Variants in CSPP1 observed in about 807,000 individuals in gnomAD.
The protein encoded by CSPP1 is centrosome and spindle pole associated protein 1.
Under a neutral mutation model 164.4 loss-of-function variants are expected in CSPP1, and 126 were observed. That is an observed-to-expected ratio of 0.77 (90% CI 0.66 to 0.89). CSPP1 has a LOEUF of 0.89. Among genes scored for constraint, CSPP1 ranks in the 40% least tolerant of loss-of-function variants. CSPP1 has a pLI of 0.00. For missense variants in CSPP1, 1,395 were observed against 1,449.8 expected (o/e 0.96, Z 0.61); for synonymous variants, 472 against 476.7 (o/e 0.99, Z 0.13).
rs59504632 is a variant in CSPP1 at position 67,186,970 on chromosome 8, CATCTATCTATCT to C, written c.3221-3646_3221-3635del. The stretch of plus-strand genomic sequence containing the variant: ...AATACTGAGGTATAAATCTATCTAT[CATCTATCTATCT>C]ATCTATCTATCTATCTATCTATCTA... On this transcript the variant is annotated intron_variant, in intron 28 of 30. Coordinates refer to ENST00000678616, the MANE Select transcript of CSPP1 (RefSeq NM_001382391.1). Among the ~76,000 whole-genome samples, 792 of 149,868 alleles carry C rather than the reference CATCTATCTATCT, an allele frequency of 5.3e-3. 5 individuals are homozygous for C. Among genetic ancestry groups the C allele is most frequent in the African/African-American group, 0.015 (610 of 40,674 alleles).
chr8:67,184,766 A>T (rs1834008392), intron 28 of CSPP1, among the ~76,000 whole-genome samples: 1 of 147,958 alleles, frequency 6.8e-6, no homozygotes, highest in Non-Finnish European at 1.5e-5. Flanking sequence ...AATAATAATA[A>T]TAAAGGTTGG....
At chr8:67,147,854 C>G (rs929017638) in intron 17 of CSPP1, among the ~76,000 whole-genome samples, 1 of 152,084 alleles carries the variant, frequency 6.6e-6, no homozygotes, top group African/African-American at 2.4e-5. Flanking sequence ...CTCTTTTACT[C>G]CTGTGTTACT....
intron 29 of CSPP1, among the ~76,000 whole-genome samples, chr8:67,192,074 T>G (rs748905518): frequency 8.3e-5 from 12 of 143,984 alleles, no homozygotes; most frequent in Non-Finnish European, 1.4e-4. Flanking sequence ...TTGTTTTTTT[T>G]TTTGTTTTTT....
At chr8:67,074,033 C>G (rs1807377140) in intron 1 of CSPP1, among the ~76,000 whole-genome samples, 1 of 151,870 alleles carries the variant, frequency 6.6e-6, no homozygotes, top group African/African-American at 2.4e-5. Flanking sequence ...TTTTCATTTT[C>G]TTTTTATTTC....
At chr8:67,112,193 C>A in intron 10 of CSPP1, 128 bp downstream of exon 10, 1 of 474,952 alleles carries the variant, frequency 2.1e-6, no homozygotes, top group East Asian at 3.6e-5. Flanking sequence ...ATATTTTCAT[C>A]TCTACATGCT....
intron 4 of CSPP1, among the ~76,000 whole-genome samples, chr8:67,090,671 C>T (rs1395502767): frequency 6.6e-6 from 1 of 152,136 alleles, no homozygotes; most frequent in Non-Finnish European, 1.5e-5. Flanking sequence ...GTAGTTAATA[C>T]GTTGTTTTGC....
chr8:67,106,010 T>C (rs1357341915), intron 9 of CSPP1, 35 bp downstream of exon 9: 2 of 1,043,624 alleles, frequency 1.9e-6, no homozygotes, highest in Admixed American at 1.7e-5. Flanking sequence ...TGCGCTTGTA[T>C]AGAGTGTCTT....
intron 26 of CSPP1, among the ~76,000 whole-genome samples, chr8:67,177,070 CAAA>C (rs36084458): frequency 1.9e-5 from 1 of 51,864 alleles, no homozygotes; most frequent in Admixed American, 2.1e-4. Context: ...GACTTAGTCT[CAAA>C]AAAAAAAAAA....
intron 17 of CSPP1, among the ~76,000 whole-genome samples, chr8:67,142,831 A>G (rs771904300): frequency 2.0e-5 from 3 of 152,220 alleles, no homozygotes; most frequent in Non-Finnish European, 4.4e-5. Context: ...ACTTGAAATT[A>G]TGCATCTTTA....
At chr8:67,116,935 CT>C (rs990354352) in intron 13 of CSPP1, among the ~76,000 whole-genome samples, 1 of 151,896 alleles carries the variant, frequency 6.6e-6, no homozygotes, top group African/African-American at 2.4e-5. Flanking sequence ...TTATCAGGGG[CT>C]TTGTGTTTTT....
chr8:67,107,983 G>GTTTTTTTTTTTTTTTTTTT (rs34204898), intron 9 of CSPP1, among the ~76,000 whole-genome samples: 2 of 127,160 alleles, frequency 1.6e-5, no homozygotes, highest in African/African-American at 6.0e-5. Context: ...CTTTGACAAA[G>GTTTTTTTTTTTTTTTTTTT]TTTTTTTTTT....
rs768064235 is a variant in CSPP1 at position 67,190,639 on chromosome 8, G to T, written c.3221-11G>T. ...TATTAAGACTCCTTCTGCTTTTCGG[G>T]GTCCTCTTAGGGGCTTACGGTGAGA... On this transcript the variant is annotated splice_polypyrimidine_tract_variant and intron_variant, in intron 28 of 30. Transcript: ENST00000678616. 2 of 1,603,266 alleles carry T rather than the reference G, an allele frequency of 1.2e-6. No individual in the cohort carries two copies. Among genetic ancestry groups the T allele is most frequent in the African/African-American group, 1.3e-5 (1 of 74,650 alleles).
chr8:67,107,383 T>A (rs1815798676), intron 9 of CSPP1, among the ~76,000 whole-genome samples: 1 of 152,152 alleles, frequency 6.6e-6, no homozygotes, highest in South Asian at 2.1e-4. Flanking sequence ...ATAAGAGAAA[T>A]GTCTTTCTGA....
chr8:67,124,273 G>A (rs1212247580), intron 15 of CSPP1, among the ~76,000 whole-genome samples: 1 of 151,822 alleles, frequency 6.6e-6, no homozygotes, highest in Non-Finnish European at 1.5e-5. Flanking sequence ...ATAATTTTGA[G>A]TTTTTTTGTG....
At chr8:67,103,187 A>C in intron 8 of CSPP1, 52 bp downstream of exon 8, 1 of 1,106,794 alleles carries the variant, frequency 9.0e-7, no homozygotes, top group Non-Finnish European at 1.4e-6. Context: ...TGTGAAACAG[A>C]ATGTGCCTAA....
intron 24 of CSPP1, among the ~76,000 whole-genome samples, chr8:67,169,954 C>T (rs1209980838): frequency 6.6e-6 from 1 of 151,888 alleles, no homozygotes; most frequent in Non-Finnish European, 1.5e-5. Flanking sequence ...TTCCATATTG[C>T]CCAGGCTGGT....
At chr8:67,139,662 C>T (rs1823087062) in intron 17 of CSPP1, among the ~76,000 whole-genome samples, 1 of 152,130 alleles carries the variant, frequency 6.6e-6, no homozygotes, top group Non-Finnish European at 1.5e-5. Flanking sequence ...ACTATGCAGC[C>T]ATAAAAAAGG....
chr8:67,106,014 G>A, intron 9 of CSPP1, 39 bp downstream of exon 9: 1 of 1,020,696 alleles, frequency 9.8e-7, no homozygotes, highest in Non-Finnish European at 1.6e-6. Flanking sequence ...CTTGTATAGA[G>A]TGTCTTATAA....
intron 15 of CSPP1, among the ~76,000 whole-genome samples, chr8:67,130,940 A>C (rs1432023123): frequency 5.3e-5 from 8 of 152,322 alleles, no homozygotes; most frequent in South Asian, 4.1e-4. Flanking sequence ...GTGAGCGGAG[A>C]TGGCACCATC....
Sources: allele counts gnomAD v4.1 joint callset (sites outside exome capture counted in the v4.1 genomes callset), GRCh38; gene constraint gnomAD v4.1.1; transcripts MANE v1.5; gene names NCBI Gene and HGNC (gene_info 2026-07-23, HGNC 2026-07-21).